POU6F2: variants seen among roughly 807,000 people sequenced by gnomAD.
POU6F2 encodes POU class 6 homeobox 2, also known as POU domain, class 6, transcription factor 2.
Under a neutral mutation model 71.3 loss-of-function variants are expected in POU6F2, and 31 were observed. The observed-to-expected ratio is 0.43, with a 90% confidence interval of 0.33 to 0.59. The LOEUF is 0.59. POU6F2 is among the 20% of genes least tolerant of loss of function. The probability of loss-of-function intolerance (pLI) is 0.04; values close to 1 mark genes in which losing one functional copy is unlikely to be tolerated. For synonymous variants in POU6F2, 347 were observed against 355.7 expected (o/e 0.98, Z 0.27); for missense variants, 783 against 856.8 (o/e 0.91, Z 1.07).
intron 1 of POU6F2, among the ~76,000 whole-genome samples, chr7:38,991,246 T>C (rs1181841620): frequency 6.6e-6 from 1 of 152,136 alleles, no homozygotes; most frequent in East Asian, 1.9e-4. Context: ...AAAAGATAAA[T>C]ACATGCCTCA....
intron 4 of POU6F2, among the ~76,000 whole-genome samples, chr7:39,306,987 C>T (rs1247551767): frequency 6.6e-6 from 1 of 152,040 alleles, no homozygotes; most frequent in Non-Finnish European, 1.5e-5. Flanking sequence ...TGAAGGGATC[C>T]ATTAGAAGGG....
intron 1 of POU6F2, among the ~76,000 whole-genome samples, chr7:39,047,429 CTT>C (rs1372967051): frequency 6.6e-6 from 1 of 151,776 alleles, no homozygotes; most frequent in Non-Finnish European, 1.5e-5. Flanking sequence ...AAATCTTACA[CTT>C]TGTTAGATTC....
chr7:39,026,283 A>G (rs2128707806), intron 1 of POU6F2, among the ~76,000 whole-genome samples: 1 of 152,056 alleles, frequency 6.6e-6, no homozygotes, highest in South Asian at 2.1e-4. Context: ...TCATGCTGCT[A>G]TAAAGACACA....
chr7:38,987,348 G>T lies in POU6F2; in HGVS notation c.105+9290G>T, dbSNP rs543396995. 5.3e-5 allele frequency among the ~76,000 whole-genome samples: 8 copies of T among 152,212 alleles called. No individual in the cohort carries two copies. The East Asian group carries it at 1.2e-3, about 22-fold the overall frequency. On this transcript the variant is annotated intron_variant, in intron 1 of 9. Transcript: ENST00000518318. ...CTGTGACTTGAAAACCTTTATGTTTGCTCCAAGCCACCAAACTCAACTGAA... is the reference window on the plus strand; with the variant it reads ...CTGTGACTTGAAAACCTTTATGTTTTCTCCAAGCCACCAAACTCAACTGAA...
intron 5 of POU6F2, among the ~76,000 whole-genome samples, chr7:39,386,661 G>A (rs1583566133): frequency 6.6e-6 from 1 of 152,184 alleles, no homozygotes; most frequent in Non-Finnish European, 1.5e-5. Flanking sequence ...GCCATGTTGA[G>A]CTAGAGTCCC....
At chr7:39,439,388 T>G (rs1214544645) in intron 7 of POU6F2, among the ~76,000 whole-genome samples, 1 of 152,222 alleles carries the variant, frequency 6.6e-6, no homozygotes, top group Non-Finnish European at 1.5e-5. Flanking sequence ...TGTATGAATT[T>G]GGTTCTGTCA....
intron 4 of POU6F2, among the ~76,000 whole-genome samples, chr7:39,270,716 A>G (rs1039247989): frequency 1.3e-5 from 2 of 152,112 alleles, no homozygotes; most frequent in Non-Finnish European, 2.9e-5. Context: ...AGGGTCGCGG[A>G]GTCCCCTGGT....
chr7:39,173,638 A>G (rs1233513653), intron 2 of POU6F2, among the ~76,000 whole-genome samples: 4 of 152,232 alleles, frequency 2.6e-5, no homozygotes, highest in Non-Finnish European at 4.4e-5. Context: ...CTCTGGAGAA[A>G]GGGACTAACA....
chr7:39,211,789 G>A (rs1005963659), intron 4 of POU6F2, among the ~76,000 whole-genome samples: 2 of 152,128 alleles, frequency 1.3e-5, no homozygotes, highest in Non-Finnish European at 2.9e-5. Flanking sequence ...TCTGCAGGAG[G>A]CAGGCATCTA....
intron 5 of POU6F2, among the ~76,000 whole-genome samples, chr7:39,383,376 A>G (rs186084315): frequency 2.6e-4 from 39 of 152,312 alleles, no homozygotes; most frequent in Admixed American, 3.9e-4. Flanking sequence ...TGTCTATGAC[A>G]TAAGAACCTC....
intron 4 of POU6F2, among the ~76,000 whole-genome samples, chr7:39,297,743 G>C (rs1270343932): frequency 1.3e-5 from 2 of 152,032 alleles, no homozygotes; most frequent in Admixed American, 1.3e-4. Context: ...CACACTACCT[G>C]ACTTCAAACT....
At chr7:39,084,081 T>C (rs899115653) in intron 1 of POU6F2, among the ~76,000 whole-genome samples, 1 of 152,158 alleles carries the variant, frequency 6.6e-6, no homozygotes, top group Admixed American at 6.5e-5. Context: ...CAAAAGCCAG[T>C]CTTTCTCTCT....
intron 4 of POU6F2, among the ~76,000 whole-genome samples, chr7:39,213,537 C>T (rs1017272469): frequency 2.6e-5 from 4 of 152,154 alleles, no homozygotes; most frequent in African/African-American, 9.7e-5. Flanking sequence ...CTAAAAGATT[C>T]CTCTGTGTCC....
At chr7:39,304,070 A>G (rs1406885612) in intron 4 of POU6F2, among the ~76,000 whole-genome samples, 2 of 152,244 alleles carry the variant, frequency 1.3e-5, no homozygotes, top group Non-Finnish European at 2.9e-5. Context: ...TTCTAGAACT[A>G]AAAGCAAAAC....
intron 1 of POU6F2, among the ~76,000 whole-genome samples, chr7:39,045,573 T>A (rs1212047758): frequency 6.6e-6 from 1 of 151,822 alleles, no homozygotes; most frequent in East Asian, 1.9e-4. Context: ...TATTGAGGCA[T>A]AATTTACATG....
chr7:39,311,438 C>T (rs1267598717), intron 4 of POU6F2, among the ~76,000 whole-genome samples: 3 of 152,194 alleles, frequency 2.0e-5, no homozygotes, highest in Non-Finnish European at 4.4e-5. Flanking sequence ...ACTTATGAAG[C>T]TCATTATTTA....
chr7:39,083,973 A>G (rs1475244823), intron 1 of POU6F2, among the ~76,000 whole-genome samples: 9 of 152,096 alleles, frequency 5.9e-5, no homozygotes, highest in Non-Finnish European at 1.3e-4. Flanking sequence ...GAAAGATGAT[A>G]TCTGCGATCT....
At chr7:39,210,901 C>CTAT (rs1794129260) in intron 4 of POU6F2, among the ~76,000 whole-genome samples, 2 of 152,146 alleles carry the variant, frequency 1.3e-5, no homozygotes, top group South Asian at 4.1e-4. Context: ...AACATAAAAA[C>CTAT]CATAGGTAGG....
chr7:39,305,188 A>T (rs190713355), intron 4 of POU6F2, among the ~76,000 whole-genome samples: 1 of 152,234 alleles, frequency 6.6e-6, no homozygotes. Flanking sequence ...ATTTCATTTC[A>T]TCTTCACAGG....
Sources: allele counts gnomAD v4.1 joint callset (sites outside exome capture counted in the v4.1 genomes callset), GRCh38; gene constraint gnomAD v4.1.1; transcripts MANE v1.5; gene names NCBI Gene and HGNC (gene_info 2026-07-23, HGNC 2026-07-21).